GMNC: variants seen among roughly 807,000 people sequenced by gnomAD.
GMNC encodes geminin coiled-coil domain containing.
A neutral mutation model predicts 33.6 loss-of-function variants in GMNC; 16 were observed. The ratio of observed to expected loss-of-function variants is 0.48; its 90% confidence interval spans 0.32 to 0.72. GMNC has a LOEUF of 0.72. Among genes scored for constraint, GMNC ranks in the 30% least tolerant of loss-of-function variants. The probability of loss-of-function intolerance (pLI) is 0.03; values close to 1 mark genes in which losing one functional copy is unlikely to be tolerated. For missense variants in GMNC, 393 were observed against 388.9 expected, an observed-to-expected ratio of 1.01 and a Z score of -0.09; for synonymous variants, 156 against 147.3, an observed-to-expected ratio of 1.06 and a Z score of -0.43.
downstream of GMNC, among the ~76,000 whole-genome samples, chr3:190,848,566 C>A (rs895979318): frequency 2.6e-5 from 4 of 152,168 alleles, no homozygotes; most frequent in Non-Finnish European, 5.9e-5. Context: ...TGTTGAATTT[C>A]ATCAGTAAAA....
intron 2 of GMNC, among the ~76,000 whole-genome samples, chr3:190,860,467 A>T (rs1363725927): frequency 6.6e-6 from 1 of 152,212 alleles, no homozygotes; most frequent in East Asian, 1.9e-4. Flanking sequence ...GTAGGGAGAA[A>T]TACATGCTAT....
Position 190,854,385 on chromosome 3 carries a change from A to T in GMNC, c.*910T>A, listed in dbSNP as rs1051432075. 2.0e-5 allele frequency: 3 copies of T among 152,126 alleles called. No homozygotes were observed. Among genetic ancestry groups the T allele is most frequent in the African/African-American group, 7.2e-5 (3 of 41,420 alleles). 9.4% of individuals were successfully genotyped at this position (152,126 alleles called of 1,614,324 possible). ...AAAGTAGGCATTAGGTATTCTACAG[A>T]TTTCTTGGGTGGACTGATCAATGAA... On this transcript the variant is annotated 3_prime_UTR_variant, in exon 5 of 5. Coordinates refer to ENST00000442080, the MANE Select transcript of GMNC (RefSeq NM_001146686.3).
In GMNC at chr3:190,861,018, G is replaced by A. The variant is rs932757205; in HGVS notation, c.4-160C>T. 1.3e-5 allele frequency among the ~76,000 whole-genome samples: 2 copies of A among 152,070 alleles called. No homozygotes were observed. The highest frequency in any genetic ancestry group is 1.3e-4 in the Admixed American group (2 of 15,258). ...AAGTATAGATCCATATTAATTTTGG[G>A]GTGGTCAAATTATAATTACTAAAAG... On this transcript the variant is annotated intron_variant, in intron 1 of 4. Transcript: ENST00000442080. This position sits in a 1 kb window ranked among gnomAD's most constrained non-coding sequence, Gnocchi z 5.1.
chr3:190,844,170 A>C, the GMNC span, among the ~76,000 whole-genome samples: 2 of 152,172 alleles, frequency 1.3e-5, no homozygotes, highest in Non-Finnish European at 2.9e-5. Flanking sequence ...ATAGAAATTC[A>C]TCACAGATTC....
chr3:190,858,330 T>C (rs1302038390), intron 3 of GMNC, among the ~76,000 whole-genome samples: 1 of 152,118 alleles, frequency 6.6e-6, no homozygotes. Flanking sequence ...GTATGTCCAC[T>C]AGGTTAAATT....
rs1373836311 is a variant in GMNC at position 190,852,764 on chromosome 3, G to A, written c.*2531C>T. On this transcript the variant is annotated 3_prime_UTR_variant, in exon 5 of 5. Transcript: ENST00000442080. Reference sequence around the variant, plus strand: ...CTGCTATTAGGGAATGTTAAGCATGGTATAAAAATAGTTACCGCAATCACA... The same window carrying A: ...CTGCTATTAGGGAATGTTAAGCATGATATAAAAATAGTTACCGCAATCACA... 2 of 152,050 alleles carry A rather than the reference G, an allele frequency of 1.3e-5. No individual in the cohort carries two copies. Among genetic ancestry groups the A allele is most frequent in the Non-Finnish European group, 2.9e-5 (2 of 67,986 alleles). The allele number at this position is 152,050 out of a possible 1,614,324, so 9.4% of individuals were successfully genotyped here.
In GMNC at chr3:190,855,159, T is replaced by C; in HGVS notation, c.*136A>G. Reference sequence around the variant, plus strand: ...GCCATTCCCTGCAGATTTAAGTGGGTAATTGAGAGTGACATTTAAAGTGGC... The same window carrying C: ...GCCATTCCCTGCAGATTTAAGTGGGCAATTGAGAGTGACATTTAAAGTGGC... On this transcript the variant is annotated 3_prime_UTR_variant, in exon 5 of 5. Transcript: ENST00000442080. 1.2e-6 allele frequency: 1 copy of C among 827,426 alleles called. No individual in the cohort carries two copies. Among genetic ancestry groups the C allele is most frequent in the South Asian group, 1.8e-5 (1 of 54,488 alleles). The allele number at this position is 827,426 out of a possible 1,614,324, so 51.3% of individuals were successfully genotyped here.
Position 190,857,885 on chromosome 3 carries a change from C to G in GMNC, c.282G>C (p.Leu94=). The G allele has an allele frequency of 6.5e-7, 1 of 1,545,364 alleles. No homozygotes were observed. Among genetic ancestry groups the G allele is most frequent in the Non-Finnish European group, 8.8e-7 (1 of 1,141,172 alleles). The change falls in exon 4 of 5, where the codon CTG becomes CTC. Residue 94 remains leucine (L), a synonymous_variant. Coordinates refer to ENST00000442080, the MANE Select transcript of GMNC (RefSeq NM_001146686.3). ...LYRNKQLQDT[L]VQKEEELARL... The stretch of plus-strand genomic sequence containing the variant: ...TGGCGAGTTCTTCTTCCTTCTGCAC[C>G]AGGGTATCTTGCAGCTACAAAAAGC...
the GMNC span, among the ~76,000 whole-genome samples, chr3:190,846,469 T>C: frequency 6.6e-6 from 1 of 152,208 alleles, no homozygotes; most frequent in Non-Finnish European, 1.5e-5. Context: ...TATGTGTGTA[T>C]ATAAAATTTA....
chr3:190,843,325 G>T, the GMNC span, among the ~76,000 whole-genome samples: 1 of 152,012 alleles, frequency 6.6e-6, no homozygotes, highest in East Asian at 1.9e-4. Flanking sequence ...AAATTCAGCT[G>T]TGATGTTGAA....
rs760945280 is a variant in GMNC at position 190,855,316 on chromosome 3, G to A, written c.984C>T (p.Thr328=). ...GTCACTAAGACTGCTTAGGGACCCAGGTAAACTTCCAGCCTCCCTCCTCAT... is the reference window on the plus strand; with the variant it reads ...GTCACTAAGACTGCTTAGGGACCCAAGTAAACTTCCAGCCTCCCTCCTCAT... ...RRDEEGGWKF[T]WVPKQS is the part of the protein sequence containing the mutation. Residue 328 remains threonine (T), a synonymous_variant, in exon 5 of 5, where the codon ACC becomes ACT. Coordinates refer to ENST00000442080, the MANE Select transcript of GMNC (RefSeq NM_001146686.3). The A allele has an allele frequency of 9.7e-6, 15 of 1,551,344 alleles. 1 individual carries two copies. The South Asian group carries it at 1.8e-4, about 18-fold the overall frequency.
rs140722081 is a variant in GMNC at position 190,853,954 on chromosome 3, G to T, written c.*1341C>A. 3 of 152,020 alleles carry T rather than the reference G, an allele frequency of 2.0e-5. No individual in the cohort carries two copies. Among genetic ancestry groups the T allele is most frequent in the Non-Finnish European group, 4.4e-5 (3 of 67,972 alleles). The allele number at this position is 152,020 out of a possible 1,614,324, so 9.4% of individuals were successfully genotyped here. A position where few individuals can be genotyped will look rare whatever the true frequency, so the allele number is the denominator to read the frequency against. ...AGGCAAATTATTCTTACACAGTTAC[G>T]CCGAGTTAACTGCAAAATGGGCTCT... On this transcript the variant is annotated 3_prime_UTR_variant, in exon 5 of 5. Coordinates refer to ENST00000442080, the MANE Select transcript of GMNC (RefSeq NM_001146686.3).
At chr3:190,844,080 G>A in the GMNC span, among the ~76,000 whole-genome samples, 2 of 151,986 alleles carry the variant, frequency 1.3e-5, no homozygotes, top group African/African-American at 2.4e-5. Flanking sequence ...AGTATTTGTT[G>A]CTTAAAAATG....
At chr3:190,858,611 G>A (rs894951694) in intron 3 of GMNC, among the ~76,000 whole-genome samples, 1 of 152,134 alleles carries the variant, frequency 6.6e-6, no homozygotes, top group Non-Finnish European at 1.5e-5. Context: ...TATATCATTC[G>A]ATCTTTTCAA....
In GMNC at chr3:190,853,220, T is replaced by G. The variant is rs1218356846; in HGVS notation, c.*2075A>C. 6.6e-6 allele frequency: 1 copy of G among 152,142 alleles called. No individual in the cohort carries two copies. The highest frequency in any genetic ancestry group is 1.9e-4 in the East Asian group (1 of 5,194). 9.4% of individuals were successfully genotyped at this position (152,142 alleles called of 1,614,324 possible). ...GAATGCAAAATAAATATTTGTTAACTCATACATTTCCTTTTACAGCTTGAT... is the reference window on the plus strand; with the variant it reads ...GAATGCAAAATAAATATTTGTTAACGCATACATTTCCTTTTACAGCTTGAT... On this transcript the variant is annotated 3_prime_UTR_variant, in exon 5 of 5. Coordinates refer to ENST00000442080, the MANE Select transcript of GMNC (RefSeq NM_001146686.3).
downstream of GMNC, among the ~76,000 whole-genome samples, chr3:190,849,943 G>A (rs185425526): frequency 7.9e-5 from 12 of 152,318 alleles, no homozygotes; most frequent in African/African-American, 2.6e-4. Flanking sequence ...ACTTTCATAA[G>A]GATCATTTAT....
Position 190,855,365 on chromosome 3 carries a change from T to C in GMNC, c.935A>G (p.Gln312Arg). 1 of 1,551,914 alleles carries C rather than the reference T, an allele frequency of 6.4e-7. No homozygotes were observed. The highest frequency in any genetic ancestry group is 8.7e-7 in the Non-Finnish European group (1 of 1,146,924). ...ATCTCGACGCACAAAGGCTTGTCCC[T>C]GGTGGAAGGAATGAGTTTTCACATT... The part of the protein sequence containing the change: ...HCNVKTHSFH[Q>R]GQAFVRRDEE... Residue 312 changes from glutamine (Q) to arginine (R), a missense_variant, in exon 5 of 5, where the codon CAG becomes CGG. By Grantham distance (43) the Gln-to-Arg change is conservative. Transcript: ENST00000442080.
intron 2 of GMNC, among the ~76,000 whole-genome samples, 198 bp downstream of exon 2, chr3:190,860,486 C>A (rs1229533826): frequency 6.6e-6 from 1 of 152,152 alleles, no homozygotes; most frequent in Non-Finnish European, 1.5e-5. Context: ...ATCCAGTGGG[C>A]AAGGTAAAGA....
In GMNC at chr3:190,862,571, C is replaced by T; in HGVS notation, c.3+42G>A. ...CAAAGCTTATTAACTTTCAGAGACC[C>T]AAGTTTGCCAGCGGACTAGCTAACG... On this transcript the variant is annotated intron_variant, in intron 1 of 4. Coordinates refer to ENST00000442080, the MANE Select transcript of GMNC (RefSeq NM_001146686.3). The surrounding 1 kb of genome is among the most constrained non-coding windows in gnomAD (Gnocchi z 4.5). 1 of 1,467,100 alleles carries T rather than the reference C, an allele frequency of 6.8e-7. No individual in the cohort carries two copies. Among genetic ancestry groups the T allele is most frequent in the Non-Finnish European group, 9.4e-7 (1 of 1,069,458 alleles). The allele number at this position is 1,467,100 out of a possible 1,614,324, so 90.9% of individuals were successfully genotyped here.
Sources: allele counts gnomAD v4.1 joint callset (sites outside exome capture counted in the v4.1 genomes callset), GRCh38; gene constraint gnomAD v4.1.1; non-coding constraint Gnocchi (gnomAD v3.1); transcripts MANE v1.5; gene names NCBI Gene and HGNC (gene_info 2026-07-23, HGNC 2026-07-21).